Variants in AFTPH observed in about 807,000 individuals in gnomAD.
AFTPH encodes the protein aftiphilin protein.
A neutral mutation model predicts 72.5 loss-of-function variants in AFTPH; 7 were observed. That is an observed-to-expected ratio of 0.10 (90% CI 0.05 to 0.18). The LOEUF (loss-of-function observed/expected upper bound fraction) is 0.18. Ranked by LOEUF, AFTPH falls within the 10% of genes least tolerant of loss-of-function variation. The pLI is 1.00. For missense variants in AFTPH, 979 were observed against 1,060.5 expected (o/e 0.92, Z 1.07); for synonymous variants, 337 against 370.1 (o/e 0.91, Z 1.03).
At chr2:64,578,629 C>T (rs182293620) in intron 6 of AFTPH, among the ~76,000 whole-genome samples, 7 of 151,660 alleles carry the variant, frequency 4.6e-5, no homozygotes, top group African/African-American at 1.7e-4. Context: ...ACGATCTCGG[C>T]TCACTGCAAC....
At position 64,581,285 on chromosome 2, in the gene AFTPH, G is replaced by A. The variant is rs746965887; in HGVS notation, c.2455+1739G>A. The A allele has an allele frequency of 7.0e-6, 11 of 1,573,820 alleles. No individual in the cohort carries two copies. Among genetic ancestry groups the A allele is most frequent in the Non-Finnish European group, 9.5e-6 (11 of 1,159,966 alleles). ...CACCACAATCCCAGGTCAGCAGAGT[G>A]TTAAAACCACAATTCCAGTTTATTT... On this transcript the variant is annotated intron_variant, in intron 7 of 8. Transcript: ENST00000238856.
intron 6 of AFTPH, among the ~76,000 whole-genome samples, chr2:64,576,967 C>T (rs956035740): frequency 2.0e-5 from 3 of 152,074 alleles, no homozygotes; most frequent in African/African-American, 7.2e-5. Context: ...CCATGTTGGC[C>T]AGGCTGGTCT....
intron 6 of AFTPH, among the ~76,000 whole-genome samples, chr2:64,574,535 G>C (rs2104114742): frequency 6.6e-6 from 1 of 152,308 alleles, no homozygotes; most frequent in Admixed American, 6.5e-5. Flanking sequence ...CTAGTGTTTT[G>C]AAGAACATAC....
At chr2:64,545,719 G>A (rs1670568380) in intron 1 of AFTPH, among the ~76,000 whole-genome samples, 1 of 150,784 alleles carries the variant, frequency 6.6e-6, no homozygotes, top group African/African-American at 2.4e-5. Flanking sequence ...TCCTTTCAAA[G>A]GACAAAATTG....
chr2:64,553,222 G>T, exon 2 of AFTPH: 2 of 1,614,116 alleles, frequency 1.2e-6, no homozygotes, highest in Non-Finnish European at 1.7e-6. Context: ...AAAGATAGTT[G>T]TTCTTGGGCT....
At chr2:64,576,346 A>G (rs1452941067) in intron 6 of AFTPH, among the ~76,000 whole-genome samples, 2 of 152,054 alleles carry the variant, frequency 1.3e-5, no homozygotes, top group African/African-American at 2.4e-5. Flanking sequence ...TTATGACTGC[A>G]TGCTTTTGGG....
chr2:64,579,682 T>TTCTGAACAGTAATTGC, intron 7 of AFTPH, 136 bp downstream of exon 7: 1 of 730,444 alleles, frequency 1.4e-6, no homozygotes, highest in Non-Finnish European at 2.2e-6. Context: ...CAGGCTTTCT[T>TTCTGAACAGTAATTGC]TCTGAACAGT....
At position 64,573,105 on chromosome 2, in the gene AFTPH, G is replaced by A. The variant is rs75307105; in HGVS notation, c.2394+37G>A. 0.071 allele frequency: 105,596 copies of A among 1,490,136 alleles called. 4,582 individuals carry two copies. The highest frequency in any genetic ancestry group is 0.18 in the East Asian group (7,844 of 44,232). 92.3% of individuals were successfully genotyped at this position (1,490,136 alleles called of 1,614,324 possible). Reference sequence around the variant, plus strand: ...TATATGTGTATAAATATGTTTATGCGTGTATATACACATATATCCACACAT... The same window carrying A: ...TATATGTGTATAAATATGTTTATGCATGTATATACACATATATCCACACAT... On this transcript the variant is annotated intron_variant, in intron 6 of 8. Transcript: ENST00000238856.
chr2:64,538,596 GTTAA>G (rs1670016699), intron 1 of AFTPH, among the ~76,000 whole-genome samples: 1 of 152,168 alleles, frequency 6.6e-6, no homozygotes, highest in African/African-American at 2.4e-5. Context: ...TTTAAGTTTG[GTTAA>G]TTGTTTTGTT....
At position 64,527,387 on chromosome 2, in the gene AFTPH, C is replaced by A. The variant is rs933128907; in HGVS notation, c.-33+2775C>A. 5.3e-5 allele frequency among the ~76,000 whole-genome samples: 8 copies of A among 152,116 alleles called. No individual in the cohort carries two copies. In the South Asian group the frequency reaches 1.7e-3, roughly 32 times the overall value. ...CCTGAGGTCGGGAGTTCAAAACCAGCCTGACCAACATGGAGAAACCCCGTC... is the reference window on the plus strand; with the variant it reads ...CCTGAGGTCGGGAGTTCAAAACCAGACTGACCAACATGGAGAAACCCCGTC... On this transcript the variant is annotated intron_variant, in intron 1 of 8. Coordinates refer to ENST00000238856, the Ensembl canonical transcript of AFTPH.
intron 1 of AFTPH, among the ~76,000 whole-genome samples, chr2:64,538,191 A>C (rs1669992120): frequency 6.6e-6 from 1 of 152,100 alleles, no homozygotes. Flanking sequence ...TGTGTGAAAA[A>C]TTCTGCTTTA....
At chr2:64,568,745 G>A (rs1377421283) in intron 3 of AFTPH, among the ~76,000 whole-genome samples, 1 of 152,156 alleles carries the variant, frequency 6.6e-6, no homozygotes, top group Admixed American at 6.5e-5. Flanking sequence ...GAGTAGCTGG[G>A]ATTACAGGCA....
chr2:64,586,988 T>C (rs1474588139), intron 8 of AFTPH, among the ~76,000 whole-genome samples: 1 of 152,138 alleles, frequency 6.6e-6, no homozygotes, highest in East Asian at 1.9e-4. Context: ...CTTTCCTTCC[T>C]TTGTTTCCCC....
At chr2:64,569,146 G>C in exon 4 of AFTPH, 1 of 1,614,120 alleles carries the variant, frequency 6.2e-7, no homozygotes, top group Non-Finnish European at 8.5e-7. Flanking sequence ...CACATGGCTT[G>C]AGATACCAGT....
intron 1 of AFTPH, 87 bp downstream of exon 1, chr2:64,524,699 G>A (rs1669138722): frequency 2.6e-6 from 1 of 389,210 alleles, no homozygotes; most frequent in Admixed American, 4.5e-5. Context: ...ACCCTCACCC[G>A]GGCCGGGAGC....
In AFTPH at chr2:64,580,334, T is replaced by TA. The variant is rs757281995; in HGVS notation, c.2455+795dup. 7.5e-4 allele frequency: 114 copies of TA among 152,612 alleles called. 1 individual carries two copies. Among genetic ancestry groups the TA allele is most frequent in the Admixed American group, 1.4e-3 (21 of 15,274 alleles). 9.5% of individuals were successfully genotyped at this position (152,612 alleles called of 1,614,324 possible). ...CTAAATGGCAATTATTTTGCCATTG[T>TA]AAAAAAACACTATCAGCTTGGCCTT... is the stretch of plus-strand genomic sequence containing the variant. On this transcript the variant is annotated intron_variant, in intron 7 of 8. Transcript: ENST00000238856.
In AFTPH at chr2:64,553,055, A is replaced by C. The variant is rs377016273; in HGVS notation, c.1581A>C (p.Lys527Asn). 1.8e-5 allele frequency: 29 copies of C among 1,614,056 alleles called. No homozygotes were observed. The highest frequency in any genetic ancestry group is 2.3e-5 in the Non-Finnish European group (27 of 1,180,026). Residue 527 changes from lysine to asparagine, a missense_variant, in exon 2 of 9, where the codon AAA becomes AAC. Physicochemically the swap from Lys to Asn is moderately conservative, Grantham distance 94 (BLOSUM62 0). Transcript: ENST00000238856. ...GAACAGGCACTGAACCTGTTGCAAA[A>C]CTTAAAAATGGGCAAGAAGGTGAGA... is the stretch of plus-strand genomic sequence containing the variant.
At chr2:64,528,603 T>TA (rs1669422563) in intron 1 of AFTPH, among the ~76,000 whole-genome samples, 1 of 152,064 alleles carries the variant, frequency 6.6e-6, no homozygotes, top group South Asian at 2.1e-4. Context: ...GCTTGCTGTT[T>TA]TATATAGAGT....
In AFTPH at chr2:64,552,084, G is replaced by A. The variant is rs773118668; in HGVS notation, c.610G>A (p.Ala204Thr). ...GGGAACAGATGATCTGGACAATGTA[G>A]CTGATTCAAAGGGACGGAAGCCTCT... The change falls in exon 2 of 9, where the codon GCT becomes ACT. Residue 204 changes from alanine to threonine, a missense_variant. Around this residue, in one of 3 missense-constraint regions of AFTPH, gnomAD observed 498 missense variants for 467.6 expected, o/e 1.06. Coordinates refer to ENST00000238856, the Ensembl canonical transcript of AFTPH. The A allele has an allele frequency of 1.9e-6, 3 of 1,614,046 alleles. No homozygotes were observed. The highest frequency in any genetic ancestry group is 2.5e-6 in the Non-Finnish European group (3 of 1,180,014).
Sources: gnomAD v4.1 joint callset for allele counts (sites outside exome capture counted in the v4.1 genomes callset) on GRCh38, gnomAD v4.1.1 for gene constraint, gnomAD v4.1.1 regional missense constraint, MANE v1.5 for transcripts, NCBI Gene and HGNC (gene_info 2026-07-23, HGNC 2026-07-21) for gene names.